Variants in NGEF observed in about 807,000 individuals in gnomAD.
NGEF encodes the protein ephexin-1.
A neutral mutation model predicts 80.9 loss-of-function variants in NGEF; 31 were observed. That is an observed-to-expected ratio of 0.38 (90% CI 0.29 to 0.52). The LOEUF is 0.52. NGEF is among the 20% of genes least tolerant of loss of function. The pLI is 0.84. For synonymous variants in NGEF, 371 were observed against 370.2 expected (o/e 1.00, Z -0.03); for missense variants, 709 against 926.2 (o/e 0.77, Z 3.04).
At chr2:232,989,988 G>A (rs1292279236) in intron 1 of NGEF, among the ~76,000 whole-genome samples, 2 of 152,130 alleles carry the variant, frequency 1.3e-5, no homozygotes, top group African/African-American at 2.4e-5. Context: ...ACATGGTAAT[G>A]GTGAAAAATC....
intron 1 of NGEF, among the ~76,000 whole-genome samples, chr2:232,982,080 G>A (rs1230565328): frequency 3.3e-5 from 5 of 152,198 alleles, no homozygotes; most frequent in Non-Finnish European, 7.4e-5. Flanking sequence ...GGGACTGGGG[G>A]AGCTTCACTG....
At chr2:232,893,198 G>A in intron 6 of NGEF, 148 bp from the exon 7 acceptor site, 1 of 727,986 alleles carries the variant, frequency 1.4e-6, no homozygotes, top group Non-Finnish European at 2.2e-6. Flanking sequence ...CATCGGCAGG[G>A]GCACCGAGCA....
At chr2:232,948,515 A>C (rs1015367132) in intron 3 of NGEF, among the ~76,000 whole-genome samples, 1 of 152,100 alleles carries the variant, frequency 6.6e-6, no homozygotes, top group African/African-American at 2.4e-5. Context: ...AGTTTAGGGG[A>C]AATAAAGGAG....
At chr2:232,952,113 G>A (rs1693690578) in intron 3 of NGEF, among the ~76,000 whole-genome samples, 1 of 152,250 alleles carries the variant, frequency 6.6e-6, no homozygotes, top group Non-Finnish European at 1.5e-5. Flanking sequence ...TGGAGACGGG[G>A]TGAGGGTCAT....
chr2:232,888,060 A>T lies in NGEF; in HGVS notation c.1320T>A (p.Ala440=). 1.9e-6 allele frequency: 3 copies of T among 1,614,038 alleles called. No individual in the cohort carries two copies. Among genetic ancestry groups the T allele is most frequent in the Non-Finnish European group, 2.5e-6 (3 of 1,179,938 alleles). The part of the protein sequence containing the change: ...VEERSERECT[A]LDAHKELEMV... ...TTTCCAGCTCCTTGTGAGCATCCAAAGCAGTGCACTCCCGCTCAGACCTCT... is the reference window on the plus strand; with the variant it reads ...TTTCCAGCTCCTTGTGAGCATCCAATGCAGTGCACTCCCGCTCAGACCTCT... Residue 440 remains alanine, a synonymous_variant, in exon 9 of 15, where the codon GCT becomes GCA. Transcript: ENST00000264051.
intron 3 of NGEF, among the ~76,000 whole-genome samples, chr2:232,953,315 A>AAAG (rs1553553836): frequency 3.1e-4 from 47 of 150,152 alleles, no homozygotes; most frequent in African/African-American, 1.1e-3. Context: ...AAAAAAAAAA[A>AAAG]AAAAAGAAAA....
intron 1 of NGEF, among the ~76,000 whole-genome samples, chr2:232,989,450 A>G (rs1442432044): frequency 6.6e-6 from 1 of 151,936 alleles, no homozygotes; most frequent in Non-Finnish European, 1.5e-5. Flanking sequence ...CTGCCTCAAA[A>G]CAAAACAAAC....
At chr2:232,980,006 C>T (rs141784560) in intron 1 of NGEF, among the ~76,000 whole-genome samples, 5 of 152,286 alleles carry the variant, frequency 3.3e-5, no homozygotes, top group Non-Finnish European at 7.4e-5. Flanking sequence ...GGTCGCATGG[C>T]TGGCAAATGG....
chr2:232,946,599 A>G (rs945208296), intron 3 of NGEF, among the ~76,000 whole-genome samples: 8 of 152,360 alleles, frequency 5.3e-5, no homozygotes, highest in Non-Finnish European at 8.8e-5. Flanking sequence ...ACCTACCAGT[A>G]GTAACGAGCA....
Position 232,970,338 on chromosome 2 carries a change from T to C in NGEF, c.269-10A>G. 6.4e-7 allele frequency: 1 copy of C among 1,551,892 alleles called. No individual in the cohort carries two copies. The highest frequency in any genetic ancestry group is 8.8e-7 in the Non-Finnish European group (1 of 1,133,686). On this transcript the variant is annotated splice_polypyrimidine_tract_variant and intron_variant, in intron 2 of 14. Transcript: ENST00000264051. Reference sequence around the variant, plus strand: ...CCATTGTCCTGTGAATCTGTGACAATTCAGAAATGGAGCAAGTTAGAAGAT... The same window carrying C: ...CCATTGTCCTGTGAATCTGTGACAACTCAGAAATGGAGCAAGTTAGAAGAT...
At chr2:232,959,176 T>C (rs1324689472) in intron 3 of NGEF, among the ~76,000 whole-genome samples, 1 of 152,246 alleles carries the variant, frequency 6.6e-6, no homozygotes, top group Non-Finnish European at 1.5e-5. Flanking sequence ...TTCTTGTTTT[T>C]CTCTTTGCAG....
rs535527760 is a variant in NGEF, at chr2:232,938,152, C to T, written c.384-10966G>A. ...AATTGCTGAAGACTGGAGATTGCTA[C>T]GCTGAATTCATTTTCTGAATCAAAA... On this transcript the variant is annotated intron_variant, in intron 3 of 14. Coordinates refer to ENST00000264051, the MANE Select transcript of NGEF (RefSeq NM_019850.3). Among the ~76,000 whole-genome samples, 8 of 152,268 alleles carry T rather than the reference C, an allele frequency of 5.3e-5. No homozygotes were observed. The East Asian group carries it at 5.8e-4, about 11-fold the overall frequency.
At chr2:232,952,159 A>G (rs534638771) in intron 3 of NGEF, among the ~76,000 whole-genome samples, 14 of 152,346 alleles carry the variant, frequency 9.2e-5, no homozygotes, top group African/African-American at 3.4e-4. Context: ...CTCGCCCTGC[A>G]TGGTGACTCA....
At chr2:232,896,221 T>G (rs1208273776) in intron 5 of NGEF, among the ~76,000 whole-genome samples, 1 of 152,172 alleles carries the variant, frequency 6.6e-6, no homozygotes, top group Non-Finnish European at 1.5e-5. Context: ...GAGCTCAAGA[T>G]GAGATCATCC....
Position 232,893,042 on chromosome 2 carries a change from A to G in NGEF, c.998T>C (p.Leu333Pro). The G allele has an allele frequency of 6.2e-7, 1 of 1,612,090 alleles. No homozygotes were observed. Among genetic ancestry groups the G allele is most frequent in the Non-Finnish European group, 8.5e-7 (1 of 1,179,140 alleles). ...CTCCTCCATCCGGTGCTCCAGCTCC[A>G]GGAGGAACCTACGAGAGGCAGCGGC... ...DVLAVSERFLLELEHRMEENI... is the reference protein window; with the variant it reads ...DVLAVSERFLPELEHRMEENI... The change falls in exon 7 of 15, where the codon CTG becomes CCG. Residue 333 changes from leucine to proline, a missense_variant. Transcript: ENST00000264051.
intron 3 of NGEF, among the ~76,000 whole-genome samples, chr2:232,942,904 CTTTT>C (rs60735452): frequency 8.7e-4 from 102 of 117,890 alleles, no homozygotes; most frequent in African/African-American, 1.9e-3. Flanking sequence ...AGTGAAATTT[CTTTT>C]TTTTTTTTTT....
intron 12 of NGEF, 42 bp from the exon 13 acceptor site, chr2:232,882,307 G>T: frequency 6.4e-7 from 1 of 1,559,988 alleles, no homozygotes; most frequent in Non-Finnish European, 8.8e-7. Flanking sequence ...GCAGATCAAC[G>T]GCAGCCCCCC....
At chr2:232,901,549 C>A in intron 5 of NGEF, 2 of 536,554 alleles carry the variant, frequency 3.7e-6, no homozygotes, top group Non-Finnish European at 4.8e-6. Flanking sequence ...GGGTCGGAGC[C>A]AAAGGCCAGC....
At chr2:232,925,156 T>A (rs1693033546) in intron 4 of NGEF, among the ~76,000 whole-genome samples, 1 of 152,236 alleles carries the variant, frequency 6.6e-6, no homozygotes, top group Non-Finnish European at 1.5e-5. Flanking sequence ...CAAGTGGAAC[T>A]GGCAGGCTCC....
Sources: allele counts gnomAD v4.1 joint callset (sites outside exome capture counted in the v4.1 genomes callset), GRCh38; gene constraint gnomAD v4.1.1; transcripts MANE v1.5; gene names NCBI Gene and HGNC (gene_info 2026-07-23, HGNC 2026-07-21).